ARHGAP24: variants seen among roughly 807,000 people sequenced by gnomAD.
ARHGAP24 encodes rho GTPase-activating protein 24.
ARHGAP24 carries 50 observed loss-of-function variants against 76.4 expected under a neutral mutation model. That is an observed-to-expected ratio of 0.65 (90% CI 0.52 to 0.83). ARHGAP24 has a LOEUF of 0.83. Among genes scored for constraint, ARHGAP24 ranks in the 40% least tolerant of loss-of-function variants. ARHGAP24 has a pLI of 0.00. For missense variants in ARHGAP24, 930 were observed against 914.2 expected (o/e 1.02, Z -0.22); for synonymous variants, 345 against 323.3 (o/e 1.07, Z -0.72).
intron 3 of ARHGAP24, among the ~76,000 whole-genome samples, chr4:85,733,021 A>T (rs1201485512): frequency 7.8e-6 from 1 of 128,986 alleles, no homozygotes; most frequent in African/African-American, 2.9e-5. Flanking sequence ...TTACATTCAA[A>T]TTGCATCAAC....
At chr4:85,667,302 C>A (rs1445334697) in intron 2 of ARHGAP24, among the ~76,000 whole-genome samples, 3 of 152,192 alleles carry the variant, frequency 2.0e-5, no homozygotes, top group Admixed American at 1.3e-4. Flanking sequence ...CCCTCTGAGC[C>A]AGGTGCTGGA....
At chr4:85,608,772 C>G (rs1023880217) in intron 2 of ARHGAP24, among the ~76,000 whole-genome samples, 3 of 152,002 alleles carry the variant, frequency 2.0e-5, no homozygotes, top group Non-Finnish European at 4.4e-5. Context: ...GTTGGCCAGA[C>G]TGGTCTCGAA....
At chr4:85,932,712 GAA>G (rs1736409197) in intron 4 of ARHGAP24, among the ~76,000 whole-genome samples, 1 of 152,238 alleles carries the variant, frequency 6.6e-6, no homozygotes, top group South Asian at 2.1e-4. Flanking sequence ...GAACCAGGAT[GAA>G]GAGTTTTTTT....
chr4:85,752,304 T>A (rs755749888), intron 3 of ARHGAP24, among the ~76,000 whole-genome samples: 1 of 152,200 alleles, frequency 6.6e-6, no homozygotes, highest in African/African-American at 2.4e-5. Flanking sequence ...ATCTGCCATT[T>A]GCAAAACATT....
At chr4:85,888,570 A>G (rs1733703841) in intron 3 of ARHGAP24, among the ~76,000 whole-genome samples, 1 of 152,038 alleles carries the variant, frequency 6.6e-6, no homozygotes, top group African/African-American at 2.4e-5. Flanking sequence ...ATACTGAGGT[A>G]TCTTTTTTTA....
intron 9 of ARHGAP24, among the ~76,000 whole-genome samples, chr4:85,996,681 T>G (rs116208713): frequency 0.042 from 6,398 of 152,166 alleles, 198 homozygotes; most frequent in Non-Finnish European, 0.068. Flanking sequence ...TTTCACTGAG[T>G]GGAATTGTGG....
chr4:85,813,325 C>G (rs984185314), intron 3 of ARHGAP24, among the ~76,000 whole-genome samples: 21 of 152,110 alleles, frequency 1.4e-4, no homozygotes, highest in Non-Finnish European at 7.4e-5. Flanking sequence ...ACCAATGGAG[C>G]TATAATAATG....
intron 1 of ARHGAP24, among the ~76,000 whole-genome samples, chr4:85,552,439 T>C (rs1415752064): frequency 1.3e-5 from 2 of 152,168 alleles, no homozygotes; most frequent in Non-Finnish European, 2.9e-5. Context: ...TTATGTCCAA[T>C]TGTGTGGTTG....
At chr4:85,671,354 G>A (rs1452705442) in intron 2 of ARHGAP24, among the ~76,000 whole-genome samples, 1 of 151,860 alleles carries the variant, frequency 6.6e-6, no homozygotes, top group Admixed American at 6.6e-5. Flanking sequence ...TTAACCACAG[G>A]TCCATTATAA....
chr4:85,509,585 A>G (rs1724198255), intron 1 of ARHGAP24, among the ~76,000 whole-genome samples: 1 of 151,640 alleles, frequency 6.6e-6, no homozygotes, highest in Non-Finnish European at 1.5e-5. Context: ...GTCTCTAAGA[A>G]CTCTTTCTTT....
intron 2 of ARHGAP24, among the ~76,000 whole-genome samples, chr4:85,700,823 G>GA (rs1253322634): frequency 6.6e-6 from 1 of 152,148 alleles, no homozygotes. Flanking sequence ...GAAAAAAATG[G>GA]AAAATCACTC....
chr4:85,561,099 G>T (rs1336652882), intron 1 of ARHGAP24, among the ~76,000 whole-genome samples: 1 of 152,154 alleles, frequency 6.6e-6, no homozygotes, highest in Non-Finnish European at 1.5e-5. Flanking sequence ...TTGTGGTGTA[G>T]AACACTGAGA....
At chr4:85,583,758 AAC>A (rs1491381607) in intron 2 of ARHGAP24, among the ~76,000 whole-genome samples, 5 of 151,210 alleles carry the variant, frequency 3.3e-5, no homozygotes, top group African/African-American at 1.2e-4. Context: ...AAAAAAAAAA[AAC>A]CCCATCAAAA....
At position 85,731,023 on chromosome 4, in the gene ARHGAP24, CACACAGAGAG is replaced by C. The variant is rs1288920255; in HGVS notation, c.268+9053_268+9062del. 4.6e-5 allele frequency among the ~76,000 whole-genome samples: 5 copies of C among 109,478 alleles called. No homozygotes were observed. In the East Asian group the frequency reaches 7.7e-4, roughly 17 times the overall value. 71.8% of individuals were successfully genotyped at this position (109,478 alleles called of 152,430 possible). On this transcript the variant is annotated intron_variant, in intron 3 of 9. Coordinates refer to ENST00000395184, the MANE Select transcript of ARHGAP24 (RefSeq NM_001025616.3). ...ACACACACACACACACACACACACACACACAGAGAGAGAGACTGGGCATGTGTGTGTGTGT... is the reference window on the plus strand; with the variant it reads ...ACACACACACACACACACACACACACAGAGACTGGGCATGTGTGTGTGTGT...
intron 1 of ARHGAP24, among the ~76,000 whole-genome samples, chr4:85,519,865 G>T (rs2110110372): frequency 6.6e-6 from 1 of 152,132 alleles, no homozygotes; most frequent in Non-Finnish European, 1.5e-5. Context: ...TGTCTTCAAG[G>T]CTGTCCCGAC....
chr4:85,993,516 T>A (rs1203925506), intron 8 of ARHGAP24, among the ~76,000 whole-genome samples: 1 of 152,184 alleles, frequency 6.6e-6, no homozygotes, highest in African/African-American at 2.4e-5. Flanking sequence ...GATTTTGAAT[T>A]ATATTTCCCA....
chr4:85,957,499 A>T (rs1737984637), intron 5 of ARHGAP24, among the ~76,000 whole-genome samples: 1 of 152,184 alleles, frequency 6.6e-6, no homozygotes, highest in African/African-American at 2.4e-5. Flanking sequence ...TCTTTTTCCC[A>T]ACTGATGCTT....
chr4:85,950,574 A>G (rs560759832), intron 5 of ARHGAP24, among the ~76,000 whole-genome samples: 27 of 152,266 alleles, frequency 1.8e-4, no homozygotes, highest in Middle Eastern at 6.8e-3. Flanking sequence ...ATGATGATGA[A>G]TAGTGTCCAC....
intron 3 of ARHGAP24, among the ~76,000 whole-genome samples, chr4:85,834,947 T>C (rs1439520916): frequency 6.6e-6 from 1 of 152,200 alleles, no homozygotes; most frequent in African/African-American, 2.4e-5. Context: ...GATTGAACCA[T>C]ATTTAGAAGT....
Sources: gnomAD v4.1 joint callset for allele counts (sites outside exome capture counted in the v4.1 genomes callset) on GRCh38, gnomAD v4.1.1 for gene constraint, MANE v1.5 for transcripts, NCBI Gene and HGNC (gene_info 2026-07-23, HGNC 2026-07-21) for gene names.